The following GPHN variants were observed in gnomAD, a reference collection of about 807,000 sequenced individuals.
GPHN encodes gephyrin.
Under a neutral mutation model 95.5 loss-of-function variants are expected in GPHN, and 17 were observed. The observed-to-expected ratio is 0.18, with a 90% CI of 0.12 to 0.27. The LOEUF is 0.27. GPHN is among the 10% of genes least tolerant of loss of function. The probability of loss-of-function intolerance (pLI) is 1.00; values close to 1 mark genes in which losing one functional copy is unlikely to be tolerated. For missense variants in GPHN, 660 were observed against 978.1 expected (o/e 0.67, Z 4.34); for synonymous variants, 320 against 322.5 (o/e 0.99, Z 0.08).
the GPHN span, chr14:67,600,306 C>T: frequency 6.0e-6 from 6 of 999,860 alleles, no homozygotes; most frequent in Admixed American, 3.2e-5. Context: ...CGCGTCACCA[C>T]GCCCCGCCCT....
intron 4 of GPHN, among the ~76,000 whole-genome samples, chr14:66,830,708 A>G (rs2061550738): frequency 6.6e-6 from 1 of 152,088 alleles, no homozygotes; most frequent in Non-Finnish European, 1.5e-5. Context: ...AATGGTACCA[A>G]AGAAACCTGA....
At chr14:67,010,722 G>T (rs1490721082) in intron 9 of GPHN, among the ~76,000 whole-genome samples, 2 of 152,028 alleles carry the variant, frequency 1.3e-5, no homozygotes, top group Non-Finnish European at 2.9e-5. Context: ...ATGAGTTTCT[G>T]CAGAGTTTGA....
chr14:67,244,975 G>A, the GPHN span, among the ~76,000 whole-genome samples: 1 of 152,134 alleles, frequency 6.6e-6, no homozygotes, highest in Admixed American at 6.6e-5. Flanking sequence ...AAAAAAAGAT[G>A]TAACAATTGG....
intron 18 of GPHN, among the ~76,000 whole-genome samples, chr14:67,149,335 A>G (rs945757104): frequency 2.0e-5 from 3 of 152,224 alleles, no homozygotes; most frequent in Non-Finnish European, 4.4e-5. Context: ...CAAGAGTGAG[A>G]CTCTGTCTCA....
chr14:67,161,888 C>T (rs1010980982), intron 19 of GPHN, among the ~76,000 whole-genome samples: 1 of 152,144 alleles, frequency 6.6e-6, no homozygotes, highest in Non-Finnish European at 1.5e-5. Context: ...AACTTTTATA[C>T]TCTTTTTTTC....
the GPHN span, among the ~76,000 whole-genome samples, chr14:67,215,772 C>G: frequency 3.3e-5 from 5 of 152,138 alleles, no homozygotes; most frequent in African/African-American, 1.2e-4. Context: ...TTGATCAGGT[C>G]TGGTCACTCT....
At chr14:66,843,600 T>C (rs185700960) in intron 4 of GPHN, among the ~76,000 whole-genome samples, 1 of 152,260 alleles carries the variant, frequency 6.6e-6, no homozygotes, top group African/African-American at 2.4e-5. Flanking sequence ...CTTTACAGTT[T>C]GCTGCATTTA....
intron 4 of GPHN, among the ~76,000 whole-genome samples, chr14:66,852,371 G>C (rs1040020520): frequency 6.6e-6 from 1 of 152,146 alleles, no homozygotes; most frequent in Non-Finnish European, 1.5e-5. Flanking sequence ...AGTTGAGGAG[G>C]GAAAAAAATG....
the GPHN span, chr14:67,695,758 A>T: frequency 8.4e-6 from 13 of 1,543,722 alleles, no homozygotes; most frequent in Non-Finnish European, 1.2e-5. Context: ...CTCGCCGACT[A>T]TGGCTTCTCT....
the GPHN span, among the ~76,000 whole-genome samples, chr14:67,339,686 G>A: frequency 1.3e-5 from 2 of 152,232 alleles, no homozygotes; most frequent in Admixed American, 6.5e-5. Flanking sequence ...ATGCCTCCAG[G>A]TGCTTTATAC....
the GPHN span, chr14:67,691,305 G>A: frequency 2.8e-6 from 3 of 1,084,938 alleles, no homozygotes; most frequent in African/African-American, 1.5e-5. Context: ...ATCTTAGAAA[G>A]CTGCCTCACG....
At chr14:66,877,338 G>T (rs1225307404) in intron 4 of GPHN, among the ~76,000 whole-genome samples, 1 of 152,158 alleles carries the variant, frequency 6.6e-6, no homozygotes, top group Non-Finnish European at 1.5e-5. Context: ...AGACAAGGAT[G>T]CCCTCTCTCA....
chr14:67,514,982 A>ACCGTCCCCATCGCCCGCG, the GPHN span: 6 of 151,108 alleles, frequency 4.0e-5, no homozygotes, highest in Admixed American at 3.3e-4. Flanking sequence ...TCTTCCCCTC[A>ACCGTCCCCATCGCCCGCG]CCGTCCCCAT....
At chr14:66,589,432 C>G (rs1279212558) in intron 1 of GPHN, among the ~76,000 whole-genome samples, 1 of 152,034 alleles carries the variant, frequency 6.6e-6, no homozygotes, top group East Asian at 1.9e-4. Flanking sequence ...TTAAAATACA[C>G]AGACTGGTAA....
intron 18 of GPHN, among the ~76,000 whole-genome samples, chr14:67,144,265 A>ATG (rs2080744284): frequency 4.2e-5 from 4 of 96,298 alleles, no homozygotes; most frequent in African/African-American, 1.6e-4. Flanking sequence ...ATATATATAT[A>ATG]TATATATATA....
At chr14:66,876,698 G>A (rs2153531447) in intron 4 of GPHN, among the ~76,000 whole-genome samples, 1 of 152,146 alleles carries the variant, frequency 6.6e-6, no homozygotes, top group East Asian at 1.9e-4. Flanking sequence ...AAACCAGGAA[G>A]AAGTCAAATC....
intron 18 of GPHN, among the ~76,000 whole-genome samples, chr14:67,150,141 A>T (rs1444965857): frequency 6.6e-6 from 1 of 152,160 alleles, no homozygotes; most frequent in Non-Finnish European, 1.5e-5. Flanking sequence ...AAACATAATA[A>T]CTATTAACAT....
chr14:66,993,472 G>C (rs946028738), intron 9 of GPHN, among the ~76,000 whole-genome samples: 4 of 151,818 alleles, frequency 2.6e-5, no homozygotes, highest in African/African-American at 9.7e-5. Flanking sequence ...ACTTCATTAC[G>C]TCTTAACAAA....
the GPHN span, among the ~76,000 whole-genome samples, chr14:67,211,152 A>G: frequency 6.6e-6 from 1 of 152,208 alleles, no homozygotes; most frequent in South Asian, 2.1e-4. Context: ...ACTATCTACC[A>G]TGTAGAATTG....
Sources: gnomAD v4.1 joint callset for allele counts (sites outside exome capture counted in the v4.1 genomes callset) on GRCh38, gnomAD v4.1.1 for gene constraint, MANE v1.5 for transcripts, NCBI Gene and HGNC (gene_info 2026-07-23, HGNC 2026-07-21) for gene names.